The following KCNB2 variants were observed in gnomAD, a reference collection of about 807,000 sequenced individuals.
The protein encoded by KCNB2 is potassium voltage-gated channel subfamily B member 2.
In KCNB2, 15 loss-of-function variants were observed where a neutral mutation model predicts 61.5. The observed-to-expected ratio is 0.24, with a 90% confidence interval of 0.16 to 0.38. KCNB2 has a LOEUF of 0.38. Among genes scored for constraint, KCNB2 ranks in the 10% least tolerant of loss-of-function variants. The probability of loss-of-function intolerance (pLI) is 1.00; values close to 1 mark genes in which losing one functional copy is unlikely to be tolerated. For synonymous variants in KCNB2, 457 were observed against 446.0 expected, an observed-to-expected ratio of 1.02 and a Z score of -0.31; for missense variants, 828 against 1,125.2, an observed-to-expected ratio of 0.74 and a Z score of 3.78.
intron 2 of KCNB2, among the ~76,000 whole-genome samples, chr8:72,920,457 C>CTATATATATATA (rs1286454103): frequency 0.027 from 1,832 of 68,202 alleles, 185 homozygotes; most frequent in Admixed American, 0.078. Flanking sequence ...ATCTATCTAT[C>CTATATATATATA]TATCTATCTA....
At chr8:72,787,907 A>T (rs542721198) in intron 2 of KCNB2, among the ~76,000 whole-genome samples, 49 of 152,322 alleles carry the variant, frequency 3.2e-4, no homozygotes, top group Admixed American at 2.8e-3. Flanking sequence ...TTTCCTGCAT[A>T]GCAAGGTGGT....
chr8:72,567,824 C>G lies in KCNB2; in HGVS notation c.90C>G (p.Ser30Arg), dbSNP rs760269967. 1 of 1,613,954 alleles carries G rather than the reference C, an allele frequency of 6.2e-7. No homozygotes were observed. The highest frequency in any genetic ancestry group is 1.7e-5 in the Admixed American group (1 of 60,000). ...LPPEPVDIIR[S>R]KTCSRRVKIN... ...CAGAGCCTGTGGACATTATCCGGAG[C>G]AAAACATGCTCCAGGAGAGTTAAGA... The change falls in exon 2 of 3, where the codon AGC (serine) becomes AGG (arginine). Residue 30 changes from serine to arginine, a missense_variant. Transcript: ENST00000523207.
chr8:72,571,799 G>A (rs1806714909), intron 2 of KCNB2, among the ~76,000 whole-genome samples: 1 of 152,156 alleles, frequency 6.6e-6, no homozygotes, highest in South Asian at 2.1e-4. Flanking sequence ...GATCGTGCAA[G>A]GGGAAGAAAA....
chr8:72,687,884 G>A (rs186827734), intron 2 of KCNB2, among the ~76,000 whole-genome samples: 48 of 152,298 alleles, frequency 3.2e-4, no homozygotes, highest in Admixed American at 3.0e-3. Flanking sequence ...GTTGGGAGTT[G>A]GGTTTCTCTC....
chr8:72,712,578 G>T (rs1207628461), intron 2 of KCNB2, among the ~76,000 whole-genome samples: 2 of 152,160 alleles, frequency 1.3e-5, no homozygotes, highest in African/African-American at 2.4e-5. Context: ...AGCTTTACAT[G>T]TGTTATAGTT....
chr8:72,756,842 GA>G (rs1808298626), intron 2 of KCNB2, among the ~76,000 whole-genome samples: 1 of 152,150 alleles, frequency 6.6e-6, no homozygotes, highest in Non-Finnish European at 1.5e-5. Flanking sequence ...GGGAGTCAAA[GA>G]GGGGTCTAGA....
intron 2 of KCNB2, among the ~76,000 whole-genome samples, chr8:72,671,785 T>A (rs1563555131): frequency 6.6e-6 from 1 of 152,196 alleles, no homozygotes; most frequent in Non-Finnish European, 1.5e-5. Context: ...AAAATGCACT[T>A]GCCCGCCTCT....
At chr8:72,683,298 T>C (rs1806794650) in intron 2 of KCNB2, among the ~76,000 whole-genome samples, 1 of 152,240 alleles carries the variant, frequency 6.6e-6, no homozygotes, top group African/African-American at 2.4e-5. Context: ...TATTCATGCA[T>C]GTAAGCATTA....
At chr8:72,901,652 T>G (rs1806095528) in intron 2 of KCNB2, among the ~76,000 whole-genome samples, 2 of 152,184 alleles carry the variant, frequency 1.3e-5, no homozygotes, top group African/African-American at 4.8e-5. Flanking sequence ...AATCTTTTCT[T>G]CTCACAACAG....
chr8:72,574,884 CGTAA>C (rs33946830), intron 2 of KCNB2, among the ~76,000 whole-genome samples: 17,571 of 151,978 alleles, frequency 0.12, 1,370 homozygotes, highest in East Asian at 0.47. Flanking sequence ...TTTAGGTAAG[CGTAA>C]GTGTTATGAA....
intron 2 of KCNB2, among the ~76,000 whole-genome samples, chr8:72,817,757 C>T (rs1809425451): frequency 6.6e-6 from 1 of 152,086 alleles, no homozygotes; most frequent in Admixed American, 6.6e-5. Flanking sequence ...TAGGGGATTC[C>T]TTAGTGACTG....
chr8:72,742,792 A>G (rs1018067494), intron 2 of KCNB2, among the ~76,000 whole-genome samples: 2 of 152,210 alleles, frequency 1.3e-5, no homozygotes, highest in African/African-American at 4.8e-5. Context: ...GCCAGAGCCA[A>G]TGCACGGGAT....
chr8:72,582,945 T>C (rs1479126458), intron 2 of KCNB2, among the ~76,000 whole-genome samples: 1 of 152,028 alleles, frequency 6.6e-6, no homozygotes, highest in Non-Finnish European at 1.5e-5. Flanking sequence ...CTTAATGATG[T>C]AATGTGAAAA....
At chr8:72,752,501 G>A (rs1196753680) in intron 2 of KCNB2, among the ~76,000 whole-genome samples, 1 of 152,084 alleles carries the variant, frequency 6.6e-6, no homozygotes, top group Non-Finnish European at 1.5e-5. Flanking sequence ...TGCTGGAGCT[G>A]GGACATCTCT....
intron 2 of KCNB2, among the ~76,000 whole-genome samples, chr8:72,869,661 C>T (rs191362554): frequency 8.9e-4 from 136 of 152,270 alleles, no homozygotes; most frequent in African/African-American, 3.1e-3. Flanking sequence ...TATCGCTTCA[C>T]ACCTAACAGA....
intron 2 of KCNB2, among the ~76,000 whole-genome samples, chr8:72,677,816 C>A (rs1179936531): frequency 6.6e-6 from 1 of 152,140 alleles, no homozygotes; most frequent in Admixed American, 6.6e-5. Context: ...TAGTGGAGTG[C>A]TTCAGGTCTC....
At chr8:72,884,996 A>G (rs919291511) in intron 2 of KCNB2, among the ~76,000 whole-genome samples, 1 of 152,202 alleles carries the variant, frequency 6.6e-6, no homozygotes, top group South Asian at 2.1e-4. Flanking sequence ...TTTTAAAAAG[A>G]TATCTTTTAG....
chr8:72,659,777 A>C (rs565983157), intron 2 of KCNB2, among the ~76,000 whole-genome samples: 8 of 152,372 alleles, frequency 5.3e-5, no homozygotes, highest in African/African-American at 1.9e-4. Context: ...TCAGATGATC[A>C]TTAGCATTTT....
chr8:72,652,142 T>C (rs1330995135), intron 2 of KCNB2, among the ~76,000 whole-genome samples: 1 of 152,174 alleles, frequency 6.6e-6, no homozygotes, highest in Non-Finnish European at 1.5e-5. Flanking sequence ...GGACAAATTT[T>C]GTAAAGGCAT....
Sources: gnomAD v4.1 joint callset for allele counts (sites outside exome capture counted in the v4.1 genomes callset) on GRCh38, gnomAD v4.1.1 for gene constraint, MANE v1.5 for transcripts, NCBI Gene and HGNC (gene_info 2026-07-23, HGNC 2026-07-21) for gene names.